Variants in CACNA2D3 observed in about 807,000 individuals in gnomAD.
CACNA2D3 encodes the protein calcium voltage-gated channel auxiliary subunit alpha2delta 3.
CACNA2D3 carries 60 observed loss-of-function variants against 160.6 expected under a neutral mutation model. The observed-to-expected ratio is 0.37, with a 90% CI of 0.30 to 0.46. CACNA2D3 has a LOEUF of 0.46. Ranked by LOEUF, CACNA2D3 falls within the 20% of genes least tolerant of loss-of-function variation. CACNA2D3 has a pLI of 1.00. For synonymous variants in CACNA2D3, 558 were observed against 492.9 expected (o/e 1.13, Z -1.75); for missense variants, 1,205 against 1,365.0 (o/e 0.88, Z 1.85).
rs115271088 is a variant in CACNA2D3 at position 54,848,084 on chromosome 3, G to A, written c.1626+1617G>A. 7.3e-3 allele frequency among the ~76,000 whole-genome samples: 1,107 copies of A among 152,264 alleles called. 10 individuals are homozygous for A. The highest frequency in any genetic ancestry group is 0.024 in the African/African-American group (1,001 of 41,544). On this transcript the variant is annotated intron_variant, in intron 17 of 37. Coordinates refer to ENST00000474759, the MANE Select transcript of CACNA2D3 (RefSeq NM_018398.3). ...TGGCAATGGAAATGATTAGCTGCCC[G>A]CCACACAGTCGACTCACAATGTGAA...
At chr3:54,787,884 A>G (rs906968788) in intron 13 of CACNA2D3, among the ~76,000 whole-genome samples, 5 of 152,226 alleles carry the variant, frequency 3.3e-5, no homozygotes, top group Middle Eastern at 3.2e-3. Flanking sequence ...GGTAAAGGAC[A>G]CATAATTCCT....
chr3:54,933,284 C>T (rs1701250698), intron 27 of CACNA2D3, among the ~76,000 whole-genome samples: 1 of 152,182 alleles, frequency 6.6e-6, no homozygotes. Flanking sequence ...GCTATTTTAA[C>T]AAACAACACC....
intron 11 of CACNA2D3, among the ~76,000 whole-genome samples, chr3:54,665,141 T>C (rs1032831698): frequency 1.3e-5 from 2 of 152,202 alleles, no homozygotes; most frequent in Non-Finnish European, 1.5e-5. Flanking sequence ...CTTTATGTTA[T>C]CCAGTGGTAC....
chr3:54,432,807 G>A (rs1248560897), intron 4 of CACNA2D3, among the ~76,000 whole-genome samples: 1 of 152,104 alleles, frequency 6.6e-6, no homozygotes, highest in South Asian at 2.1e-4. Flanking sequence ...ATGGAGTAAA[G>A]GTTGGCACTT....
chr3:54,553,041 G>A (rs146950320), intron 5 of CACNA2D3, among the ~76,000 whole-genome samples: 76 of 152,214 alleles, frequency 5.0e-4, no homozygotes, highest in Non-Finnish European at 8.8e-4. Flanking sequence ...AGCTCCATCC[G>A]GAGTGGTTCA....
intron 3 of CACNA2D3, chr3:54,386,016 A>G (rs1699181410): frequency 4.1e-6 from 2 of 492,874 alleles, no homozygotes; most frequent in African/African-American, 3.9e-5. Context: ...AATGATTTTG[A>G]TTGTTGACTA....
At chr3:55,037,488 T>C (rs1007067022) in intron 35 of CACNA2D3, among the ~76,000 whole-genome samples, 3 of 152,142 alleles carry the variant, frequency 2.0e-5, no homozygotes, top group Admixed American at 6.5e-5. Flanking sequence ...ACTTGTGTCC[T>C]AGGGTCTTGG....
intron 4 of CACNA2D3, among the ~76,000 whole-genome samples, chr3:54,441,980 C>CT (rs1304329020): frequency 6.6e-6 from 1 of 152,078 alleles, no homozygotes; most frequent in African/African-American, 2.4e-5. Context: ...TAATTTAAAA[C>CT]TTTTTTTAGA....
chr3:54,585,047 A>C (rs74527884), intron 9 of CACNA2D3, among the ~76,000 whole-genome samples: 1 of 152,334 alleles, frequency 6.6e-6, no homozygotes, highest in Non-Finnish European at 1.5e-5. Context: ...AAAGGAAATA[A>C]GGAAAGAAAG....
intron 11 of CACNA2D3, among the ~76,000 whole-genome samples, chr3:54,687,131 T>TC (rs1559549408): frequency 0.029 from 1,436 of 48,864 alleles, 12 homozygotes; most frequent in African/African-American, 0.065. Context: ...CTTTTTTTTT[T>TC]TTTGTTTTTT....
At chr3:54,942,014 G>A (rs1325723714) in intron 27 of CACNA2D3, among the ~76,000 whole-genome samples, 1 of 152,198 alleles carries the variant, frequency 6.6e-6, no homozygotes, top group Non-Finnish European at 1.5e-5. Context: ...CATCACAAGT[G>A]GTATTCTTGG....
At chr3:54,782,433 C>T (rs1295137438) in intron 13 of CACNA2D3, among the ~76,000 whole-genome samples, 2 of 152,092 alleles carry the variant, frequency 1.3e-5, no homozygotes, top group Admixed American at 6.5e-5. Context: ...AAGTGCTAAT[C>T]ATTATTATGT....
intron 27 of CACNA2D3, among the ~76,000 whole-genome samples, chr3:54,904,082 G>T (rs1247536008): frequency 6.6e-6 from 1 of 152,328 alleles, no homozygotes; most frequent in South Asian, 2.1e-4. Flanking sequence ...CCCACATCTG[G>T]CAAGAGCCTT....
chr3:54,514,584 A>T (rs1341268243), intron 5 of CACNA2D3, among the ~76,000 whole-genome samples: 1 of 152,220 alleles, frequency 6.6e-6, no homozygotes, highest in Non-Finnish European at 1.5e-5. Context: ...GCGGGAAGTC[A>T]GCACACAGCT....
intron 5 of CACNA2D3, among the ~76,000 whole-genome samples, chr3:54,529,102 G>T (rs946059391): frequency 2.6e-5 from 4 of 152,224 alleles, no homozygotes; most frequent in African/African-American, 9.6e-5. Flanking sequence ...ATGGAACTCA[G>T]TCCTCTGAAA....
chr3:54,467,401 A>G (rs549899269), intron 4 of CACNA2D3, among the ~76,000 whole-genome samples: 2 of 152,334 alleles, frequency 1.3e-5, no homozygotes, highest in Admixed American at 6.5e-5. Context: ...TAAAAGAGAA[A>G]GAGAAGCTCA....
intron 2 of CACNA2D3, among the ~76,000 whole-genome samples, chr3:54,133,265 A>G (rs551205047): frequency 5.3e-5 from 8 of 152,282 alleles, no homozygotes; most frequent in South Asian, 4.1e-4. Context: ...GGTCAGATCT[A>G]TTATCATCTG....
intron 4 of CACNA2D3, among the ~76,000 whole-genome samples, chr3:54,438,036 T>C (rs555772976): frequency 6.6e-6 from 1 of 152,274 alleles, no homozygotes; most frequent in Admixed American, 6.5e-5. Flanking sequence ...AATGCAGATA[T>C]TAGAAACAAC....
At chr3:54,993,885 AGTGTGTGTGTGTGTGTGT>A (rs34012508) in intron 31 of CACNA2D3, among the ~76,000 whole-genome samples, 5 of 111,508 alleles carry the variant, frequency 4.5e-5, no homozygotes, top group Non-Finnish European at 7.2e-5. Context: ...TGCAACTGCT[AGTGTGTGTGTGTGTGTGT>A]GTGTGTGTGT....
Sources: gnomAD v4.1 joint callset for allele counts (sites outside exome capture counted in the v4.1 genomes callset) on GRCh38, gnomAD v4.1.1 for gene constraint, MANE v1.5 for transcripts, NCBI Gene and HGNC (gene_info 2026-07-23, HGNC 2026-07-21) for gene names.